PTDSS1: variants seen among roughly 807,000 people sequenced by gnomAD.
PTDSS1 encodes the protein phosphatidylserine synthase 1.
Under a neutral mutation model 70.5 loss-of-function variants are expected in PTDSS1, and 45 were observed. That is an observed-to-expected ratio of 0.64 (90% CI 0.50 to 0.82). The LOEUF (loss-of-function observed/expected upper bound fraction) is 0.82, where lower values mean the gene tolerates loss of function less well. Ranked by LOEUF, PTDSS1 falls within the 40% of genes least tolerant of loss-of-function variation. PTDSS1 has a pLI of 0.00. For synonymous variants in PTDSS1, 188 were observed against 203.8 expected (o/e 0.92, Z 0.66); for missense variants, 417 against 586.1 (o/e 0.71, Z 2.98).
At chr8:96,315,084 T>C (rs904250578) in intron 9 of PTDSS1, among the ~76,000 whole-genome samples, 5 of 152,224 alleles carry the variant, frequency 3.3e-5, no homozygotes, top group African/African-American at 7.2e-5. Flanking sequence ...ATAGGAATTG[T>C]ATCTATTGTT....
intron 1 of PTDSS1, among the ~76,000 whole-genome samples, chr8:96,268,354 C>T (rs1208281858): frequency 6.6e-6 from 1 of 152,078 alleles, no homozygotes; most frequent in Non-Finnish European, 1.5e-5. Flanking sequence ...AAACATGAAC[C>T]TATAGGTCTT....
intron 9 of PTDSS1, among the ~76,000 whole-genome samples, chr8:96,318,902 C>CTTTTTTTTT (rs71267241): frequency 4.3e-5 from 2 of 46,188 alleles, no homozygotes; most frequent in Non-Finnish European, 7.9e-5. Context: ...CCCTTCTTGC[C>CTTTTTTTTT]TTTTTTTTTT....
intron 11 of PTDSS1, 53 bp from the exon 12 acceptor site, chr8:96,330,973 C>A: frequency 6.6e-7 from 1 of 1,512,628 alleles, no homozygotes; most frequent in Non-Finnish European, 9.2e-7. Flanking sequence ...TGCCCTGCCA[C>A]TTCTCCCAGG....
chr8:96,301,938 C>T (rs2130101917), intron 6 of PTDSS1, among the ~76,000 whole-genome samples: 1 of 152,282 alleles, frequency 6.6e-6, no homozygotes, highest in Middle Eastern at 3.4e-3. Context: ...CAGTTTTCCC[C>T]ATCCCTTTTA....
intron 9 of PTDSS1, among the ~76,000 whole-genome samples, chr8:96,314,898 C>T (rs1811263975): frequency 6.6e-6 from 1 of 152,056 alleles, no homozygotes; most frequent in African/African-American, 2.4e-5. Context: ...GCCTGGCCTA[C>T]AAAGCTTTTT....
intron 1 of PTDSS1, among the ~76,000 whole-genome samples, chr8:96,266,474 T>G (rs1045696665): frequency 6.6e-6 from 1 of 152,244 alleles, no homozygotes; most frequent in African/African-American, 2.4e-5. Context: ...GGCATACTTG[T>G]GGCCACCTGT....
chr8:96,293,265 A>T (rs1045842370), intron 4 of PTDSS1, among the ~76,000 whole-genome samples: 1 of 152,256 alleles, frequency 6.6e-6, no homozygotes, highest in Non-Finnish European at 1.5e-5. Context: ...GCAAGAAATA[A>T]TAGTGGCAGC....
Position 96,309,639 on chromosome 8 carries a change from T to C in PTDSS1, c.1073+17T>C. The C allele has an allele frequency of 6.2e-7, 1 of 1,613,638 alleles. No individual in the cohort carries two copies. The highest frequency in any genetic ancestry group is 2.2e-5 in the East Asian group (1 of 44,876). ...GGTGTTTGGGTGAGTAATCTGTTAT[T>C]GTGGAGATTTAAAAACCACTTAAGC... is the stretch of plus-strand genomic sequence containing the variant. On this transcript the variant is annotated intron_variant, in intron 9 of 12. Transcript: ENST00000517309.
intron 3 of PTDSS1, among the ~76,000 whole-genome samples, chr8:96,286,625 G>A (rs759516262): frequency 1.3e-5 from 2 of 152,134 alleles, no homozygotes; most frequent in South Asian, 2.1e-4. Context: ...CTTCAGGGCC[G>A]CCTTGCTCCA....
chr8:96,291,589 C>T (rs949473980), intron 4 of PTDSS1, among the ~76,000 whole-genome samples: 2 of 152,068 alleles, frequency 1.3e-5, no homozygotes, highest in Non-Finnish European at 2.9e-5. Context: ...TTACACATTG[C>T]ATATGATATG....
chr8:96,310,839 C>T (rs1012691120), intron 9 of PTDSS1, among the ~76,000 whole-genome samples: 3 of 151,662 alleles, frequency 2.0e-5, no homozygotes, highest in Non-Finnish European at 4.4e-5. Context: ...GATCTCGGCT[C>T]ACTGCAACCT....
intron 1 of PTDSS1, among the ~76,000 whole-genome samples, chr8:96,268,841 C>T (rs562665680): frequency 6.6e-6 from 1 of 152,246 alleles, no homozygotes; most frequent in East Asian, 1.9e-4. Flanking sequence ...AGAGGGAAGT[C>T]GCTGCCAGTG....
Position 96,333,868 on chromosome 8 carries a change from C to A in PTDSS1, c.*302C>A, listed in dbSNP as rs1259134486. 4 of 635,490 alleles carry A rather than the reference C, an allele frequency of 6.3e-6. No homozygotes were observed. Among genetic ancestry groups the A allele is most frequent in the Non-Finnish European group, 1.1e-5 (4 of 352,012 alleles). 39.4% of individuals were successfully genotyped at this position (635,490 alleles called of 1,614,324 possible). Reference sequence around the variant, plus strand: ...AACGGTAGCTATTCATTCACAGTTGCCAAGAGCAGCTCCGCGCCTGCTGGA... The same window carrying A: ...AACGGTAGCTATTCATTCACAGTTGACAAGAGCAGCTCCGCGCCTGCTGGA... On this transcript the variant is annotated 3_prime_UTR_variant, in exon 13 of 13. Transcript: ENST00000517309.
chr8:96,319,890 C>T (rs1007870534), intron 9 of PTDSS1, among the ~76,000 whole-genome samples: 1 of 152,136 alleles, frequency 6.6e-6, no homozygotes, highest in Admixed American at 6.5e-5. Flanking sequence ...AAATAAGCCA[C>T]CTTGCAAAGG....
intron 2 of PTDSS1, among the ~76,000 whole-genome samples, chr8:96,274,046 C>G (rs918486348): frequency 3.9e-5 from 6 of 152,080 alleles, no homozygotes; most frequent in African/African-American, 1.4e-4. Context: ...AAGTTGTTTT[C>G]TTTTCTCTTA....
intron 3 of PTDSS1, among the ~76,000 whole-genome samples, chr8:96,285,772 G>A (rs1042332202): frequency 6.6e-6 from 1 of 152,064 alleles, no homozygotes; most frequent in Non-Finnish European, 1.5e-5. Context: ...AGACCTCGAA[G>A]CCCAACCAAG....
chr8:96,287,323 G>A, intron 4 of PTDSS1, 177 bp downstream of exon 4: 1 of 792,776 alleles, frequency 1.3e-6, no homozygotes, highest in South Asian at 2.1e-5. Context: ...ATAGAGTTCA[G>A]GGAAAGAAAA....
intron 4 of PTDSS1, among the ~76,000 whole-genome samples, chr8:96,288,543 C>T (rs1485056439): frequency 3.3e-5 from 5 of 150,834 alleles, no homozygotes; most frequent in South Asian, 2.1e-4. Context: ...CCAGGCTGGT[C>T]GCAAACTCCT....
intron 9 of PTDSS1, among the ~76,000 whole-genome samples, chr8:96,317,223 CCT>C (rs1811307444): frequency 6.6e-6 from 1 of 151,920 alleles, no homozygotes; most frequent in Non-Finnish European, 1.5e-5. Flanking sequence ...AGCCCTTTCC[CCT>C]GATTCCTGGC....
Sources: gnomAD v4.1 joint callset for allele counts (sites outside exome capture counted in the v4.1 genomes callset) on GRCh38, gnomAD v4.1.1 for gene constraint, MANE v1.5 for transcripts, NCBI Gene and HGNC (gene_info 2026-07-23, HGNC 2026-07-21) for gene names.